The following ZDHHC18 variants were observed in gnomAD, a reference collection of about 807,000 sequenced individuals.
ZDHHC18 encodes palmitoyltransferase ZDHHC18.
ZDHHC18 carries 23 observed loss-of-function variants against 37.5 expected under a neutral mutation model. The ratio of observed to expected loss-of-function variants is 0.61; its 90% CI spans 0.44 to 0.87. ZDHHC18 has a LOEUF of 0.87. Among genes scored for constraint, ZDHHC18 ranks in the 40% least tolerant of loss-of-function variants. The pLI is 0.00. For missense variants in ZDHHC18, 406 were observed against 525.6 expected (o/e 0.77, Z 2.22); for synonymous variants, 185 against 218.7 (o/e 0.85, Z 1.36).
intron 7 of ZDHHC18, chr1:26,853,116 C>CG: frequency 2.5e-6 from 1 of 394,544 alleles, no homozygotes. Context: ...TTCTACTCCC[C>CG]GGGGGTAGCC....
At chr1:26,834,574 C>G (rs1223362713) in intron 2 of ZDHHC18, among the ~76,000 whole-genome samples, 1 of 152,204 alleles carries the variant, frequency 6.6e-6, no homozygotes, top group African/African-American at 2.4e-5. Flanking sequence ...CCTTCCTTCT[C>G]TGAACCTGTG....
chr1:26,833,614 G>T (rs2081597572), intron 2 of ZDHHC18, among the ~76,000 whole-genome samples: 1 of 152,102 alleles, frequency 6.6e-6, no homozygotes, highest in African/African-American at 2.4e-5. Context: ...CTTTCAGACT[G>T]CTGTGTGGGT....
At chr1:26,830,483 A>G (rs1357661761) in intron 1 of ZDHHC18, among the ~76,000 whole-genome samples, 2 of 152,154 alleles carry the variant, frequency 1.3e-5, no homozygotes, top group East Asian at 3.9e-4. Flanking sequence ...TAGTACAGTA[A>G]CTATCTGTAG....
intron 2 of ZDHHC18, among the ~76,000 whole-genome samples, chr1:26,833,387 A>G (rs964684113): frequency 2.6e-5 from 4 of 152,110 alleles, no homozygotes; most frequent in Non-Finnish European, 5.9e-5. Flanking sequence ...TATCTAGGGA[A>G]GAGCCCAGTA....
rs1398011417 is a variant in ZDHHC18, at chr1:26,857,090, C to G, written c.*3247C>G. The G allele has an allele frequency of 6.6e-6, 1 of 152,472 alleles. No individual in the cohort carries two copies. The highest frequency in any genetic ancestry group is 1.9e-4 in the East Asian group (1 of 5,208). The allele number at this position is 152,472 out of a possible 1,614,324, so 9.4% of individuals were successfully genotyped here. ...TCCATGCCGGCCAGAGTGTAGAAAG[C>G]CATAACGCAGCCATCAGCACAATAA... On this transcript the variant is annotated 3_prime_UTR_variant, in exon 8 of 8. Transcript: ENST00000374142.
At chr1:26,832,643 A>T in intron 2 of ZDHHC18, 36 bp downstream of exon 2, 1 of 1,604,582 alleles carries the variant, frequency 6.2e-7, no homozygotes, top group Non-Finnish European at 8.5e-7. Flanking sequence ...CTGGGTCTCC[A>T]TAGCTCCACA....
At chr1:26,843,218 C>G (rs1279347312) in intron 2 of ZDHHC18, among the ~76,000 whole-genome samples, 1 of 150,680 alleles carries the variant, frequency 6.6e-6, no homozygotes, top group Non-Finnish European at 1.5e-5. Flanking sequence ...GTTCAGCTCA[C>G]TGCAACCTCC....
At chr1:26,830,513 C>G (rs149986732) in intron 1 of ZDHHC18, among the ~76,000 whole-genome samples, 1,587 of 151,790 alleles carry the variant, frequency 0.01, 22 homozygotes, top group African/African-American at 0.036. Flanking sequence ...TAACTATCTA[C>G]ATAGTACAGT....
At chr1:26,843,829 T>C (rs1403097028) in intron 2 of ZDHHC18, among the ~76,000 whole-genome samples, 1 of 151,990 alleles carries the variant, frequency 6.6e-6, no homozygotes, top group Non-Finnish European at 1.5e-5. Flanking sequence ...TTCTGTCTGA[T>C]GAATGTTCAC....
intron 1 of ZDHHC18, among the ~76,000 whole-genome samples, chr1:26,830,930 A>G (rs1296215443): frequency 1.3e-5 from 2 of 152,068 alleles, no homozygotes; most frequent in African/African-American, 4.8e-5. Context: ...TTACAGGCAC[A>G]TGCTACCACA....
At chr1:26,841,512 T>A (rs1020309482) in intron 2 of ZDHHC18, among the ~76,000 whole-genome samples, 1 of 152,140 alleles carries the variant, frequency 6.6e-6, no homozygotes, top group African/African-American at 2.4e-5. Flanking sequence ...AGTAAGTGAT[T>A]GGAGTGAGAT....
chr1:26,827,399 C>T (rs1247767333), intron 1 of ZDHHC18, among the ~76,000 whole-genome samples: 3 of 149,798 alleles, frequency 2.0e-5, no homozygotes, highest in African/African-American at 7.3e-5. Context: ...CCTCCATTCT[C>T]CCTGACCCCA....
chr1:26,844,697 A>AT (rs1235549317), intron 2 of ZDHHC18, among the ~76,000 whole-genome samples: 9 of 151,328 alleles, frequency 5.9e-5, no homozygotes, highest in African/African-American at 1.9e-4. Context: ...GGTATGTTTT[A>AT]TTTTTTTTCA....
In ZDHHC18 at chr1:26,853,928, G is replaced by A; in HGVS notation, c.*85G>A. ...ACCCTCCCTATTCCATCCAAGGGAA[G>A]CAGAACTGCCAAAGACTCAAGTCTT... On this transcript the variant is annotated 3_prime_UTR_variant, in exon 8 of 8. Transcript: ENST00000374142. The A allele has an allele frequency of 4.2e-6, 5 of 1,197,664 alleles. No homozygotes were observed. Among genetic ancestry groups the A allele is most frequent in the East Asian group, 2.3e-5 (1 of 42,784 alleles). The allele number at this position is 1,197,664 out of a possible 1,614,324, so 74.2% of individuals were successfully genotyped here.
rs1032489557 is a variant in ZDHHC18, at chr1:26,854,132, C to T, written c.*289C>T. The T allele has an allele frequency of 5.1e-5, 19 of 372,664 alleles. No homozygotes were observed. Among genetic ancestry groups the T allele is most frequent in the African/African-American group, 1.2e-4 (6 of 48,910 alleles). The allele number at this position is 372,664 out of a possible 1,614,324, so 23.1% of individuals were successfully genotyped here. ...GACCACACCAAGTCCTTGCCTGTGCCGGGCGAGCCCTGTGTGAGTGAGGCT... is the reference window on the plus strand; with the variant it reads ...GACCACACCAAGTCCTTGCCTGTGCTGGGCGAGCCCTGTGTGAGTGAGGCT... On this transcript the variant is annotated 3_prime_UTR_variant, in exon 8 of 8. Transcript: ENST00000374142. The surrounding 1 kb of genome is among the most constrained non-coding windows in gnomAD (Gnocchi z 4.6).
At chr1:26,848,440 A>G (rs1476661808) in intron 2 of ZDHHC18, among the ~76,000 whole-genome samples, 168 bp from the exon 3 acceptor site, 1 of 151,982 alleles carries the variant, frequency 6.6e-6, no homozygotes, top group Non-Finnish European at 1.5e-5. Flanking sequence ...AGTTCCTAAT[A>G]TTTGTCCCTG....
In ZDHHC18 at chr1:26,850,275, AC is replaced by A; in HGVS notation, c.647-23del. On this transcript the variant is annotated intron_variant, in intron 3 of 7. Coordinates refer to ENST00000374142, the MANE Select transcript of ZDHHC18 (RefSeq NM_032283.3). The surrounding 1 kb of genome is among the most constrained non-coding windows in gnomAD (Gnocchi z 6.1). ...GCTGGCTGCAGGCCAGCCCACACTA[AC>A]CCATCGCCCCTTGCCCTTGTCCAGA... 1.9e-6 allele frequency: 3 copies of A among 1,611,894 alleles called. No homozygotes were observed. The highest frequency in any genetic ancestry group is 2.5e-6 in the Non-Finnish European group (3 of 1,179,122).
In ZDHHC18 at chr1:26,853,736, C is replaced by G. The variant is rs370957461; in HGVS notation, c.1060C>G (p.Arg354Gly). 2.5e-6 allele frequency: 4 copies of G among 1,613,880 alleles called. No homozygotes were observed. Among genetic ancestry groups the G allele is most frequent in the Non-Finnish European group, 3.4e-6 (4 of 1,180,018 alleles). Residue 354 changes from arginine (R) to glycine (G), a missense_variant, in exon 8 of 8, where the codon CGG (arginine) becomes GGG (glycine). Arg to Gly is a moderately radical substitution (Grantham distance 125). Coordinates refer to ENST00000374142, the MANE Select transcript of ZDHHC18 (RefSeq NM_032283.3). ...CTTGTGTTTTGGAAGCCTAATTGAC[C>G]GGAGGGGATTTGTGCAGTCCGACAC... Reference protein sequence around the residue: ...CGPLPPSLIDRRGFVQSDTVL... With the variant: ...CGPLPPSLIDGRGFVQSDTVL...
chr1:26,836,034 C>T (rs539187428), intron 2 of ZDHHC18, among the ~76,000 whole-genome samples: 3 of 152,198 alleles, frequency 2.0e-5, no homozygotes, highest in African/African-American at 4.8e-5. Flanking sequence ...TCAGGGCACT[C>T]GGTCACCCTC....
Sources: gnomAD v4.1 joint callset for allele counts (sites outside exome capture counted in the v4.1 genomes callset) on GRCh38, gnomAD v4.1.1 for gene constraint, Gnocchi (gnomAD v3.1) non-coding constraint, MANE v1.5 for transcripts, NCBI Gene and HGNC (gene_info 2026-07-23, HGNC 2026-07-21) for gene names.